DGKD: variants seen among roughly 807,000 people sequenced by gnomAD.
DGKD encodes DAG kinase delta.
A neutral mutation model predicts 154.4 loss-of-function variants in DGKD; 68 were observed. The ratio of observed to expected loss-of-function variants is 0.44; its 90% CI spans 0.36 to 0.54. DGKD has a LOEUF of 0.54. Among genes scored for constraint, DGKD ranks in the 20% least tolerant of loss-of-function variants. The probability of loss-of-function intolerance (pLI) is 0.00; values close to 1 mark genes in which losing one functional copy is unlikely to be tolerated. For synonymous variants in DGKD, 693 were observed against 638.0 expected, an observed-to-expected ratio of 1.09 and a Z score of -1.30; for missense variants, 1,343 against 1,593.6, an observed-to-expected ratio of 0.84 and a Z score of 2.68.
At chr2:233,467,836 T>A (rs1470504493) in intron 28 of DGKD, among the ~76,000 whole-genome samples, 1 of 152,210 alleles carries the variant, frequency 6.6e-6, no homozygotes, top group Non-Finnish European at 1.5e-5. Flanking sequence ...GGGTTTTTCT[T>A]CTTTGCATGT....
At chr2:233,421,037 A>G (rs904992268) in intron 3 of DGKD, among the ~76,000 whole-genome samples, 6 of 152,182 alleles carry the variant, frequency 3.9e-5, no homozygotes, top group African/African-American at 1.4e-4. Context: ...GTGGTCACGT[A>G]TGAGTGATCT....
At chr2:233,460,717 C>T (rs564576880) in intron 24 of DGKD, among the ~76,000 whole-genome samples, 7 of 152,180 alleles carry the variant, frequency 4.6e-5, no homozygotes, top group East Asian at 3.9e-4. Context: ...GGTGAAACCC[C>T]GTCTCTACTA....
Position 233,457,424 on chromosome 2 carries a change from T to C in DGKD, c.2580+96T>C, listed in dbSNP as rs1169944199. 5 of 929,014 alleles carry C rather than the reference T, an allele frequency of 5.4e-6. No individual in the cohort carries two copies. The East Asian group carries it at 7.3e-5, about 14-fold the overall frequency. The allele number at this position is 929,014 out of a possible 1,614,324, so 57.5% of individuals were successfully genotyped here. Reference sequence around the variant, plus strand: ...CTGCTGTGGCTGGGGTGGATCCAGCTCTTCTGTTGTGCCAGCAGTGGGGTT... The same window carrying C: ...CTGCTGTGGCTGGGGTGGATCCAGCCCTTCTGTTGTGCCAGCAGTGGGGTT... On this transcript the variant is annotated intron_variant, in intron 21 of 29. Coordinates refer to ENST00000264057, the MANE Select transcript of DGKD (RefSeq NM_152879.3). The surrounding 1 kb of genome is among the most constrained non-coding windows in gnomAD (Gnocchi z 5.5).
chr2:233,417,000 A>T (rs1423089348), intron 3 of DGKD, among the ~76,000 whole-genome samples: 3 of 152,102 alleles, frequency 2.0e-5, no homozygotes, highest in African/African-American at 7.2e-5. Context: ...CTGCCTTGGA[A>T]TTGCTTACTG....
In DGKD at chr2:233,436,356, T is replaced by G; in HGVS notation, c.734T>G (p.Val245Gly). Residue 245 changes from valine to glycine, a missense_variant, in exon 7 of 30, where the codon GTG (valine) becomes GGG (glycine). Coordinates refer to ENST00000264057, the MANE Select transcript of DGKD (RefSeq NM_152879.3). ...PHQWLEGNLP[V>G]SAKCTVCDKT... ...CAGTGGTTGGAAGGAAACCTACCTG[T>G]GAGCGCCAAGTGCACTGTGTGCGAC... The G allele has an allele frequency of 1.2e-6, 2 of 1,614,236 alleles. No homozygotes were observed. Among genetic ancestry groups the G allele is most frequent in the Non-Finnish European group, 1.7e-6 (2 of 1,180,044 alleles).
At chr2:233,442,260 A>T in intron 10 of DGKD, 1 of 611,674 alleles carries the variant, frequency 1.6e-6, no homozygotes, top group Non-Finnish European at 3.1e-6. Flanking sequence ...CCCACAAAGG[A>T]CCCACATGGG....
intron 27 of DGKD, among the ~76,000 whole-genome samples, chr2:233,465,487 C>T (rs765478624): frequency 2.0e-5 from 3 of 152,170 alleles, no homozygotes; most frequent in African/African-American, 7.2e-5. Flanking sequence ...AGTGGTGGCT[C>T]GCACCTGTAA....
chr2:233,377,975 AATT>A (rs907280504), intron 1 of DGKD, among the ~76,000 whole-genome samples: 2 of 151,906 alleles, frequency 1.3e-5, no homozygotes, highest in African/African-American at 4.8e-5. Context: ...ATTTTTAAAT[AATT>A]ATTATTATTT....
At chr2:233,375,836 C>T (rs1702546565) in intron 1 of DGKD, among the ~76,000 whole-genome samples, 1 of 152,180 alleles carries the variant, frequency 6.6e-6, no homozygotes, top group Non-Finnish European at 1.5e-5. Flanking sequence ...CCTACCCACA[C>T]CCCTACTTTT....
chr2:233,378,480 G>A (rs946305612), intron 1 of DGKD, among the ~76,000 whole-genome samples: 1 of 151,638 alleles, frequency 6.6e-6, no homozygotes, highest in African/African-American at 2.4e-5. Context: ...AAACTCCTGG[G>A]CTCAAGCTAT....
At chr2:233,368,324 A>G (rs1015005318) in intron 1 of DGKD, among the ~76,000 whole-genome samples, 2 of 152,072 alleles carry the variant, frequency 1.3e-5, no homozygotes, top group African/African-American at 4.8e-5. Flanking sequence ...AGCCTGGCCG[A>G]TATGGTAAAA....
chr2:233,424,384 T>C (rs1005879002), intron 3 of DGKD, among the ~76,000 whole-genome samples: 3 of 152,222 alleles, frequency 2.0e-5, no homozygotes, highest in African/African-American at 7.2e-5. Flanking sequence ...ATCCTCCAGA[T>C]CTTATTTCTC....
At chr2:233,381,091 C>T (rs1702878836) in intron 1 of DGKD, among the ~76,000 whole-genome samples, 1 of 152,176 alleles carries the variant, frequency 6.6e-6, no homozygotes, top group Non-Finnish European at 1.5e-5. Context: ...TCAGAGTTAG[C>T]ACCAGACTCA....
Position 233,445,842 on chromosome 2 carries a change from G to A in DGKD, c.1334+80G>A, listed in dbSNP as rs1575136787. The A allele has an allele frequency of 6.8e-7, 1 of 1,460,904 alleles. No homozygotes were observed. The highest frequency in any genetic ancestry group is 9.1e-7 in the Non-Finnish European group (1 of 1,097,254). The allele number at this position is 1,460,904 out of a possible 1,614,324, so 90.5% of individuals were successfully genotyped here. ...TTTGACCAGGTGTTCTTAACCTGGGGTCTGTGGAAAACATGGGCCCTCTGA... is the reference window on the plus strand; with the variant it reads ...TTTGACCAGGTGTTCTTAACCTGGGATCTGTGGAAAACATGGGCCCTCTGA... On this transcript the variant is annotated intron_variant, in intron 11 of 29. Coordinates refer to ENST00000264057, the MANE Select transcript of DGKD (RefSeq NM_152879.3). The surrounding 1 kb of genome is among the most constrained non-coding windows in gnomAD (Gnocchi z 5.5).
At chr2:233,388,057 A>T in intron 1 of DGKD, 200 bp from the exon 2 acceptor site, 1 of 1,219,662 alleles carries the variant, frequency 8.2e-7, no homozygotes, top group Non-Finnish European at 1.1e-6. Flanking sequence ...ATTGCCCCTT[A>T]GAGGACAGGA....
At chr2:233,467,062 A>C in intron 27 of DGKD, 24 bp from the exon 28 acceptor site, 1 of 1,574,732 alleles carries the variant, frequency 6.4e-7, no homozygotes, top group Non-Finnish European at 8.7e-7. Context: ...CCTGATTCTC[A>C]GTATTCCTCA....
chr2:233,415,903 G>A (rs1035704808), intron 3 of DGKD, among the ~76,000 whole-genome samples: 1 of 152,164 alleles, frequency 6.6e-6, no homozygotes, highest in African/African-American at 2.4e-5. Flanking sequence ...TGATTGGCAG[G>A]CATGAGCTGC....
chr2:233,451,168 G>T (rs929734001), intron 17 of DGKD, 118 bp downstream of exon 17: 3 of 1,012,038 alleles, frequency 3.0e-6, no homozygotes, highest in Non-Finnish European at 4.0e-6. Context: ...AGAAAGATAG[G>T]TGGAATTGAA....
At position 233,436,332 on chromosome 2, in the gene DGKD, A is replaced by G; in HGVS notation, c.710A>G (p.Gln237Arg). 1 of 1,614,224 alleles carries G rather than the reference A, an allele frequency of 6.2e-7. No individual in the cohort carries two copies. Among genetic ancestry groups the G allele is most frequent in the Non-Finnish European group, 8.5e-7 (1 of 1,180,038 alleles). The change falls in exon 7 of 30, where the codon CAG (glutamine) becomes CGG (arginine). Residue 237 changes from glutamine to arginine, a missense_variant. Coordinates refer to ENST00000264057, the MANE Select transcript of DGKD (RefSeq NM_152879.3). The stretch of plus-strand genomic sequence containing the variant: ...TGGTTGCAGATTGCAATGCCCCACC[A>G]GTGGTTGGAAGGAAACCTACCTGTG... ...EDADGIAMPH[Q>R]WLEGNLPVSA...
Sources: allele counts gnomAD v4.1 joint callset (sites outside exome capture counted in the v4.1 genomes callset), GRCh38; gene constraint gnomAD v4.1.1; non-coding constraint Gnocchi (gnomAD v3.1); transcripts MANE v1.5; gene names NCBI Gene and HGNC (gene_info 2026-07-23, HGNC 2026-07-21).